RNF157: variants seen among roughly 807,000 people sequenced by gnomAD.
The protein encoded by RNF157 is E3 ubiquitin ligase RNF157.
Under a neutral mutation model 88.3 loss-of-function variants are expected in RNF157, and 55 were observed. The ratio of observed to expected loss-of-function variants is 0.62; its 90% CI spans 0.50 to 0.78. The LOEUF (loss-of-function observed/expected upper bound fraction) is 0.78, where lower values mean the gene tolerates loss of function less well. Among genes scored for constraint, RNF157 ranks in the 30% least tolerant of loss-of-function variants. The pLI is 0.00. For missense variants in RNF157, 788 were observed against 860.8 expected, an observed-to-expected ratio of 0.92 and a Z score of 1.06; for synonymous variants, 334 against 341.2, an observed-to-expected ratio of 0.98 and a Z score of 0.23.
chr17:76,190,894 C>T (rs1004587337), intron 2 of RNF157, among the ~76,000 whole-genome samples: 14 of 148,160 alleles, frequency 9.4e-5, no homozygotes, highest in African/African-American at 2.5e-5. Context: ...GGCGACAGGG[C>T]GAGACTCTGT....
chr17:76,146,798 G>A lies in RNF157; in HGVS notation c.1922-1445C>T, dbSNP rs2068592258. ...CCAGCACAACACCTGACCCATAGGA[G>A]GACCTGTTCAGCGGACAAGGCCGAC... On this transcript the variant is annotated intron_variant, in intron 18 of 18. Coordinates refer to ENST00000269391, the MANE Select transcript of RNF157 (RefSeq NM_052916.3). This position sits in a 1 kb window ranked among gnomAD's most constrained non-coding sequence, Gnocchi z 4.2. The A allele has an allele frequency of 1.0e-6, 1 of 985,430 alleles. No homozygotes were observed. The highest frequency in any genetic ancestry group is 6.1e-5 in the Admixed American group (1 of 16,292). The allele number at this position is 985,430 out of a possible 1,614,324, so 61.0% of individuals were successfully genotyped here.
intron 2 of RNF157, among the ~76,000 whole-genome samples, chr17:76,208,991 C>A (rs561247939): frequency 2.0e-5 from 3 of 150,452 alleles, no homozygotes; most frequent in African/African-American, 7.4e-5. Context: ...AAAAAAAATT[C>A]ATTTGCTATG....
rs945863224 is a variant in RNF157 at position 76,176,602 on chromosome 17, T to C, written c.208-2812A>G. ...CAGCCGCTGCCATCACAACGGCTGC[T>C]GCAGGGGGGTCGCAGGGAGCAGACA... On this transcript the variant is annotated intron_variant, in intron 2 of 18. Coordinates refer to ENST00000269391, the MANE Select transcript of RNF157 (RefSeq NM_052916.3). This position sits in a 1 kb window ranked among gnomAD's most constrained non-coding sequence, Gnocchi z 4.2. Among the ~76,000 whole-genome samples, 6 of 152,212 alleles carry C rather than the reference T, an allele frequency of 3.9e-5. No homozygotes were observed. Among genetic ancestry groups the C allele is most frequent in the Non-Finnish European group, 5.9e-5 (4 of 68,026 alleles).
intron 1 of RNF157, among the ~76,000 whole-genome samples, chr17:76,231,299 T>C (rs1310796739): frequency 6.6e-6 from 1 of 152,198 alleles, no homozygotes; most frequent in African/African-American, 2.4e-5. Flanking sequence ...GCCCGGCCTC[T>C]TGCACATTTT....
At chr17:76,201,264 T>C (rs1395349432) in intron 2 of RNF157, among the ~76,000 whole-genome samples, 3 of 149,854 alleles carry the variant, frequency 2.0e-5, no homozygotes, top group Non-Finnish European at 3.0e-5. Context: ...GGCAGGAGGA[T>C]TGTTTGAGCC....
intron 15 of RNF157, 37 bp downstream of exon 15, chr17:76,155,525 A>C: frequency 6.2e-7 from 1 of 1,601,322 alleles, no homozygotes; most frequent in Non-Finnish European, 8.5e-7. Context: ...TGCACAAAGA[A>C]CAGAGAAGCC....
chr17:76,196,383 G>C (rs1301619836), intron 2 of RNF157, among the ~76,000 whole-genome samples: 3 of 152,222 alleles, frequency 2.0e-5, no homozygotes, highest in Non-Finnish European at 4.4e-5. Flanking sequence ...GGAGCAGAAG[G>C]GGAGCTTCTG....
At chr17:76,218,045 G>A (rs966566745) in intron 1 of RNF157, among the ~76,000 whole-genome samples, 2 of 152,030 alleles carry the variant, frequency 1.3e-5, no homozygotes, top group African/African-American at 4.8e-5. Context: ...GCTTAAAAAT[G>A]GTTACTATGA....
At chr17:76,182,760 CATATATATATATATATAT>C (rs377581288) in intron 2 of RNF157, among the ~76,000 whole-genome samples, 5 of 93,358 alleles carry the variant, frequency 5.4e-5, no homozygotes, top group African/African-American at 2.9e-4. Flanking sequence ...GGCCTCGTCT[CATATATATATATATATAT>C]ATATATATAT....
chr17:76,231,678 A>G (rs2070195757), intron 1 of RNF157, among the ~76,000 whole-genome samples: 1 of 152,188 alleles, frequency 6.6e-6, no homozygotes, highest in South Asian at 2.1e-4. Context: ...TTTTGCTACC[A>G]AGAACCCCAC....
chr17:76,231,752 A>T (rs1310042598), intron 1 of RNF157, among the ~76,000 whole-genome samples: 1 of 152,176 alleles, frequency 6.6e-6, no homozygotes, highest in African/African-American at 2.4e-5. Context: ...CTGTGCTGTT[A>T]TTTTTAAGAG....
At chr17:76,232,198 C>T (rs935556171) in intron 1 of RNF157, among the ~76,000 whole-genome samples, 1 of 152,038 alleles carries the variant, frequency 6.6e-6, no homozygotes, top group Non-Finnish European at 1.5e-5. Context: ...GCCAGGGCAA[C>T]GTAGTGGGAC....
intron 1 of RNF157, among the ~76,000 whole-genome samples, chr17:76,232,199 G>C (rs987430497): frequency 1.3e-5 from 2 of 152,104 alleles, no homozygotes; most frequent in African/African-American, 4.8e-5. Flanking sequence ...CCAGGGCAAC[G>C]TAGTGGGACC....
chr17:76,152,549 G>A, intron 17 of RNF157, 84 bp from the exon 18 acceptor site: 9 of 793,876 alleles, frequency 1.1e-5, no homozygotes, highest in Middle Eastern at 2.3e-4. Flanking sequence ...TCTTAAGGAT[G>A]GAGACAAAAA....
chr17:76,149,893 G>A (rs1227728560), intron 18 of RNF157, among the ~76,000 whole-genome samples: 1 of 152,058 alleles, frequency 6.6e-6, no homozygotes, highest in Non-Finnish European at 1.5e-5. Flanking sequence ...AATTAGCCGG[G>A]CGTGGTGGCG....
intron 2 of RNF157, among the ~76,000 whole-genome samples, chr17:76,174,116 C>T (rs1457236272): frequency 2.6e-5 from 4 of 151,524 alleles, no homozygotes; most frequent in Non-Finnish European, 5.9e-5. Flanking sequence ...CCAAAGGACA[C>T]ACTGTGGCCG....
chr17:76,152,259 C>T (rs1272870150), intron 18 of RNF157, 96 bp downstream of exon 18: 13 of 827,028 alleles, frequency 1.6e-5, no homozygotes, highest in African/African-American at 3.3e-5. Context: ...TTGGCAGGAA[C>T]TGCAGGGCAG....
intron 18 of RNF157, chr17:76,147,367 T>C: frequency 3.0e-6 from 3 of 986,660 alleles, no homozygotes; most frequent in East Asian, 2.3e-4. Context: ...CACACATGCA[T>C]GCACAAATAA....
At chr17:76,169,579 GT>G (rs558817508) in intron 3 of RNF157, among the ~76,000 whole-genome samples, 2,361 of 133,418 alleles carry the variant, frequency 0.018, 29 homozygotes, top group African/African-American at 0.034. Flanking sequence ...GCCTAGTTAG[GT>G]TTTTTTTTTT....
Sources: gnomAD v4.1 joint callset for allele counts (sites outside exome capture counted in the v4.1 genomes callset) on GRCh38, gnomAD v4.1.1 for gene constraint, Gnocchi (gnomAD v3.1) non-coding constraint, MANE v1.5 for transcripts, NCBI Gene and HGNC (gene_info 2026-07-23, HGNC 2026-07-21) for gene names.